Variants in CALN1 observed in about 807,000 individuals in gnomAD.
The protein encoded by CALN1 is calcium-binding protein 8.
A neutral mutation model predicts 30.6 loss-of-function variants in CALN1; 17 were observed. The ratio of observed to expected loss-of-function variants is 0.56; its 90% confidence interval spans 0.38 to 0.83. The LOEUF (loss-of-function observed/expected upper bound fraction) is 0.83. Among genes scored for constraint, CALN1 ranks in the 40% least tolerant of loss-of-function variants. The pLI, the probability that CALN1 is intolerant of heterozygous loss-of-function variation, is 0.00. For synonymous variants in CALN1, 156 were observed against 131.4 expected (o/e 1.19, Z -1.28); for missense variants, 291 against 354.9 (o/e 0.82, Z 1.45).
chr7:71,873,925 G>A (rs1792092672), intron 5 of CALN1, among the ~76,000 whole-genome samples: 1 of 152,220 alleles, frequency 6.6e-6, no homozygotes, highest in Non-Finnish European at 1.5e-5. Flanking sequence ...CTGACCATAA[G>A]TAGAGATATG....
intron 2 of CALN1, among the ~76,000 whole-genome samples, chr7:72,344,581 C>G (rs975122741): frequency 2.1e-5 from 3 of 144,758 alleles, no homozygotes; most frequent in Middle Eastern, 3.7e-3. Context: ...TTTATATATT[C>G]TATTTATATG....
chr7:72,176,279 G>T (rs10807744), intron 3 of CALN1, among the ~76,000 whole-genome samples: 31,304 of 152,098 alleles, frequency 0.21, 3,314 homozygotes, highest in East Asian at 0.29. Context: ...TGTGGGAAAG[G>T]TAAGGCCTCT....
At chr7:72,236,403 T>A (rs1794477528) in intron 3 of CALN1, among the ~76,000 whole-genome samples, 1 of 152,096 alleles carries the variant, frequency 6.6e-6, no homozygotes, top group Non-Finnish European at 1.5e-5. Context: ...AAGAAACCAA[T>A]AAAATGGGAT....
chr7:72,099,848 A>G (rs975398682), intron 4 of CALN1, among the ~76,000 whole-genome samples: 3 of 152,236 alleles, frequency 2.0e-5, no homozygotes, highest in African/African-American at 7.2e-5. Context: ...TAAAGGAACA[A>G]ATAGAAATTC....
intron 5 of CALN1, among the ~76,000 whole-genome samples, chr7:71,829,971 G>A (rs1025146490): frequency 1.3e-5 from 2 of 151,332 alleles, no homozygotes; most frequent in African/African-American, 4.9e-5. Flanking sequence ...AGAAGCCATT[G>A]TCTGTCTGTC....
In CALN1 at chr7:71,782,728, G is replaced by C. The variant is rs897953834; in HGVS notation, c.*5047C>G. The C allele has an allele frequency of 2.0e-5, 3 of 152,054 alleles. No homozygotes were observed. The highest frequency in any genetic ancestry group is 2.9e-5 in the Non-Finnish European group (2 of 68,010). 9.4% of individuals were successfully genotyped at this position (152,054 alleles called of 1,614,324 possible). Reference sequence around the variant, plus strand: ...AATTTAAATTGAAAAGTCTTAGCTGGTGAATAATGTTTCTTTTTTAAAATT... The same window carrying C: ...AATTTAAATTGAAAAGTCTTAGCTGCTGAATAATGTTTCTTTTTTAAAATT... On this transcript the variant is annotated 3_prime_UTR_variant, in exon 7 of 7. Coordinates refer to ENST00000395275, the MANE Select transcript of CALN1 (RefSeq NM_031468.4).
intron 2 of CALN1, among the ~76,000 whole-genome samples, chr7:72,380,989 A>G: frequency 6.6e-6 from 1 of 152,326 alleles, no homozygotes; most frequent in Admixed American, 6.5e-5. Context: ...ACAAGAAAAT[A>G]AGGAGAGAGG....
chr7:72,016,981 C>T (rs915189952), intron 5 of CALN1, among the ~76,000 whole-genome samples: 6 of 99,878 alleles, frequency 6.0e-5, no homozygotes, highest in Admixed American at 1.9e-4. Flanking sequence ...GGCAAAACCC[C>T]GTGTTTACTA....
At chr7:72,309,918 G>A (rs1236142546) in intron 2 of CALN1, among the ~76,000 whole-genome samples, 1 of 152,148 alleles carries the variant, frequency 6.6e-6, no homozygotes, top group African/African-American at 2.4e-5. Flanking sequence ...GGGCAAGCCT[G>A]GACAAACTCC....
intron 3 of CALN1, among the ~76,000 whole-genome samples, chr7:72,171,983 T>C (rs1164707915): frequency 1.3e-5 from 2 of 152,108 alleles, no homozygotes; most frequent in Non-Finnish European, 2.9e-5. Flanking sequence ...GCCAGAACCA[T>C]AATGAGAATT....
intron 5 of CALN1, among the ~76,000 whole-genome samples, chr7:71,859,603 C>T (rs913971895): frequency 6.6e-6 from 1 of 152,204 alleles, no homozygotes; most frequent in Non-Finnish European, 1.5e-5. Context: ...GATCTCCTGT[C>T]TCCTCTGCTC....
chr7:72,457,646 C>T, the CALN1 span, among the ~76,000 whole-genome samples: 400 of 152,242 alleles, frequency 2.6e-3, 1 homozygote, highest in African/African-American at 9.2e-3. Context: ...GTACCTATTT[C>T]CCTGAAACAG....
chr7:71,792,416 C>A (rs1015455351), intron 6 of CALN1, among the ~76,000 whole-genome samples: 2 of 152,128 alleles, frequency 1.3e-5, no homozygotes, highest in Middle Eastern at 3.2e-3. Context: ...ATTTCTGCTT[C>A]CCTGGGGCGA....
chr7:72,032,447 T>G (rs533424915), intron 4 of CALN1, among the ~76,000 whole-genome samples: 2 of 152,006 alleles, frequency 1.3e-5, no homozygotes, highest in Non-Finnish European at 2.9e-5. Context: ...CACCTCAGCT[T>G]CCCAAAGCAC....
chr7:72,311,226 T>C (rs2129556383), intron 2 of CALN1, among the ~76,000 whole-genome samples: 1 of 152,302 alleles, frequency 6.6e-6, no homozygotes, highest in Non-Finnish European at 1.5e-5. Flanking sequence ...TTCTATATGG[T>C]TTCCTTAATA....
chr7:72,142,833 G>T (rs895061361), intron 3 of CALN1, among the ~76,000 whole-genome samples: 11 of 152,124 alleles, frequency 7.2e-5, no homozygotes, highest in African/African-American at 2.4e-4. Context: ...TCGCTGTTCT[G>T]CAGCCTCCGC....
intron 4 of CALN1, among the ~76,000 whole-genome samples, chr7:72,057,027 A>G (rs1803298886): frequency 6.6e-6 from 1 of 152,032 alleles, no homozygotes; most frequent in South Asian, 2.1e-4. Flanking sequence ...TACAGCCTCC[A>G]ATTTCTGGCC....
intron 4 of CALN1, among the ~76,000 whole-genome samples, chr7:72,064,601 T>C (rs1186505196): frequency 6.6e-6 from 1 of 152,200 alleles, no homozygotes; most frequent in East Asian, 1.9e-4. Flanking sequence ...ACTATTATTT[T>C]AACATAGACA....
At chr7:71,790,188 GAGAAAGAGAGAAACAAAGAA>G (rs1207068972) in intron 6 of CALN1, among the ~76,000 whole-genome samples, 3 of 148,878 alleles carry the variant, frequency 2.0e-5, no homozygotes, top group Non-Finnish European at 4.5e-5. Context: ...ATCAAAGAAA[GAGAAAGAGAGAAACAAAGAA>G]AGAAAGAAAG....
Sources: allele counts gnomAD v4.1 joint callset (sites outside exome capture counted in the v4.1 genomes callset), GRCh38; gene constraint gnomAD v4.1.1; transcripts MANE v1.5; gene names NCBI Gene and HGNC (gene_info 2026-07-23, HGNC 2026-07-21).